The following AXDND1 variants were observed in gnomAD, a reference collection of about 807,000 sequenced individuals.
AXDND1 encodes the protein axonemal dynein light chain domain-containing protein 1.
Under a neutral mutation model 137.5 loss-of-function variants are expected in AXDND1, and 110 were observed. The ratio of observed to expected loss-of-function variants is 0.80; its 90% CI spans 0.69 to 0.94. AXDND1 has a LOEUF of 0.94. Ranked by LOEUF, AXDND1 falls within the 40% of genes least tolerant of loss-of-function variation. The pLI, the probability that AXDND1 is intolerant of heterozygous loss-of-function variation, is 0.00. For missense variants in AXDND1, 1,191 were observed against 1,169.8 expected (o/e 1.02, Z -0.26); for synonymous variants, 414 against 399.7 (o/e 1.04, Z -0.43).
chr1:179,509,348 A>G lies in AXDND1; in HGVS notation c.2441A>G (p.Lys814Arg), dbSNP rs1260800180. 4 of 1,612,912 alleles carry G rather than the reference A, an allele frequency of 2.5e-6. No individual in the cohort carries two copies. The highest frequency in any genetic ancestry group is 4.5e-5 in the East Asian group (2 of 44,856). Residue 814 changes from lysine (K) to arginine (R), a missense_variant, in exon 21 of 26, where the codon AAA becomes AGA. Lys to Arg is a conservative substitution (Grantham distance 26). Coordinates refer to ENST00000367618, the MANE Select transcript of AXDND1 (RefSeq NM_144696.6). ...TGCTCTTGCCTCCTTTCTAATATCA[A>G]AGGCAGAAAAATTACATTATTGACA... ...NTCSCLLSNI[K>R]GRKITLLTYE...
At position 179,554,702 on chromosome 1, in the gene AXDND1, A is replaced by G. The variant is rs1673812982; in HGVS notation, c.*183A>G. The G allele has an allele frequency of 4.9e-6, 4 of 821,666 alleles. No individual in the cohort carries two copies. In the Admixed American group the frequency reaches 8.5e-5, roughly 17 times the overall value. The allele number at this position is 821,666 out of a possible 1,614,324, so 50.9% of individuals were successfully genotyped here. A position where few individuals can be genotyped will look rare whatever the true frequency, so the allele number is the denominator to read the frequency against. On this transcript the variant is annotated 3_prime_UTR_variant, in exon 26 of 26. Transcript: ENST00000367618. ...CCTTGCAAAGAGTTGTTTAACTTGC[A>G]TGGTGCCACCCAATAAATATCTGTG...
Position 179,554,730 on chromosome 1 carries a change from A to G in AXDND1, c.*211A>G, listed in dbSNP as rs148224383. On this transcript the variant is annotated 3_prime_UTR_variant, in exon 26 of 26. Coordinates refer to ENST00000367618, the MANE Select transcript of AXDND1 (RefSeq NM_144696.6). Reference sequence around the variant, plus strand: ...GTGCCACCCAATAAATATCTGTGCAATTGAAGATGGTGTGGTATGCTGAAT... The same window carrying G: ...GTGCCACCCAATAAATATCTGTGCAGTTGAAGATGGTGTGGTATGCTGAAT... 9.3e-5 allele frequency: 64 copies of G among 684,582 alleles called. No individual in the cohort carries two copies. The East Asian group carries it at 1.8e-3, about 19-fold the overall frequency. The allele number at this position is 684,582 out of a possible 1,614,324, so 42.4% of individuals were successfully genotyped here.
At chr1:179,455,622 A>C (rs1295641773) in intron 16 of AXDND1, 1 of 152,222 alleles carries the variant, frequency 6.6e-6, no homozygotes, top group Non-Finnish European at 1.5e-5. Context: ...AAATTAAAAA[A>C]AAAATTTTGG....
At chr1:179,461,470 G>A (rs1181839513) in intron 16 of AXDND1, among the ~76,000 whole-genome samples, 4 of 152,056 alleles carry the variant, frequency 2.6e-5, no homozygotes, top group Non-Finnish European at 5.9e-5. Flanking sequence ...AGTATAGTTC[G>A]AAGTCAGGTA....
In AXDND1 at chr1:179,445,024, G is replaced by C; in HGVS notation, c.1618G>C (p.Asp540His). ...TGGGGATGTTCTACTGTCAAAATAC[G>C]ATACTCTCAAGATTATTAAACATTT... ...FTGDVLLSKY[D>H]TLKIIKHLQE... Residue 540 changes from aspartate (D) to histidine (H), a missense_variant, in exon 16 of 26, where the codon GAT becomes CAT. Transcript: ENST00000367618. 6.2e-7 allele frequency: 1 copy of C among 1,612,856 alleles called. No individual in the cohort carries two copies. Among genetic ancestry groups the C allele is most frequent in the Non-Finnish European group, 8.5e-7 (1 of 1,179,130 alleles).
At chr1:179,467,691 G>A (rs1278636219) in intron 16 of AXDND1, among the ~76,000 whole-genome samples, 1 of 152,112 alleles carries the variant, frequency 6.6e-6, no homozygotes, top group Non-Finnish European at 1.5e-5. Flanking sequence ...TAAAATAAAA[G>A]AAGAAGTCAA....
At chr1:179,536,152 T>A (rs984870170) in intron 25 of AXDND1, among the ~76,000 whole-genome samples, 20 of 152,194 alleles carry the variant, frequency 1.3e-4, no homozygotes, top group Middle Eastern at 3.2e-3. Context: ...ATTGCAAAAA[T>A]TTTCTCCCAA....
chr1:179,456,876 T>C, intron 16 of AXDND1: 1 of 862,762 alleles, frequency 1.2e-6, no homozygotes, highest in Non-Finnish European at 2.0e-6. Context: ...GGAGTTATGA[T>C]TGTCAAAGGT....
At chr1:179,467,763 C>T (rs1380044231) in intron 16 of AXDND1, among the ~76,000 whole-genome samples, 1 of 152,076 alleles carries the variant, frequency 6.6e-6, no homozygotes, top group Admixed American at 6.6e-5. Context: ...TCAAAATTTA[C>T]TGATGAAGGA....
At chr1:179,368,692 A>G in intron 2 of AXDND1, 108 bp from the exon 3 acceptor site, 6 of 847,984 alleles carry the variant, frequency 7.1e-6, no homozygotes, top group Non-Finnish European at 1.1e-5. Context: ...AATAGAAGCA[A>G]TGTTTCTCTC....
At position 179,528,433 on chromosome 1, in the gene AXDND1, T is replaced by G. The variant is rs1670743587; in HGVS notation, c.2715+2T>G. ...GAAACAGATGTGTTGTCTTCCTGGG[T>G]ATGTATCTGAAACCCAGCTAGGGAA... On this transcript the variant is annotated splice_donor_variant, in intron 23 of 25. Transcript: ENST00000367618. LOFTEE classifies it high-confidence loss of function. 11 of 1,601,528 alleles carry G rather than the reference T, an allele frequency of 6.9e-6. No homozygotes were observed. Among genetic ancestry groups the G allele is most frequent in the Non-Finnish European group, 9.4e-6 (11 of 1,168,726 alleles).
chr1:179,418,429 T>C (rs1390775472), intron 12 of AXDND1, among the ~76,000 whole-genome samples: 1 of 152,252 alleles, frequency 6.6e-6, no homozygotes, highest in Non-Finnish European at 1.5e-5. Context: ...TTCTCAATCT[T>C]TTCCCCACCT....
At chr1:179,375,567 T>C (rs1191272511) in intron 4 of AXDND1, among the ~76,000 whole-genome samples, 1 of 150,624 alleles carries the variant, frequency 6.6e-6, no homozygotes, top group Non-Finnish European at 1.5e-5. Context: ...CACATATATG[T>C]ACATACATAT....
chr1:179,499,520 G>A (rs955516726), intron 20 of AXDND1, among the ~76,000 whole-genome samples: 2 of 152,154 alleles, frequency 1.3e-5, no homozygotes, highest in Non-Finnish European at 2.9e-5. Context: ...AACAGGTACA[G>A]GCTTTCTTGG....
chr1:179,511,168 C>A (rs1318568315), intron 21 of AXDND1, among the ~76,000 whole-genome samples: 1 of 149,314 alleles, frequency 6.7e-6, no homozygotes, highest in Non-Finnish European at 1.5e-5. Context: ...CTCTGTCCCC[C>A]ACAAAAAAAA....
intron 20 of AXDND1, among the ~76,000 whole-genome samples, chr1:179,498,302 A>G (rs568439213): frequency 2.6e-5 from 4 of 151,796 alleles, no homozygotes; most frequent in Non-Finnish European, 5.9e-5. Flanking sequence ...ACAAAAACAG[A>G]CATGTAGACT....
Position 179,468,598 on chromosome 1 carries a change from C to G in AXDND1, c.1954C>G (p.Leu652Val). ...ATCACACTTGGATATATTGTTAAAC[C>G]TTACTGGTATTGTTCCACAGCACAT... is the stretch of plus-strand genomic sequence containing the variant. ...MKSHLDILLNLTGIVPQHIDV... is the reference protein window; with the variant it reads ...MKSHLDILLNVTGIVPQHIDV... Residue 652 changes from leucine to valine, a missense_variant, in exon 17 of 26, where the codon CTT becomes GTT. By Grantham distance (32) the Leu-to-Val change is conservative. Coordinates refer to ENST00000367618, the MANE Select transcript of AXDND1 (RefSeq NM_144696.6). 6.2e-7 allele frequency: 1 copy of G among 1,612,330 alleles called. No homozygotes were observed. Among genetic ancestry groups the G allele is most frequent in the Non-Finnish European group, 8.5e-7 (1 of 1,179,646 alleles).
rs140407352 is a variant in AXDND1 at position 179,390,468 on chromosome 1, G to A, written c.864-3435G>A. Among the ~76,000 whole-genome samples the A allele has an allele frequency of 1.2e-3, 179 of 152,120 alleles. 1 individual carries two copies. In the South Asian group the frequency reaches 0.014, roughly 12 times the overall value. ...TTTTGTTTGTGTTTAAATAGTTGTC[G>A]TTTTACATGTTGTCAATTTGAAAAA... On this transcript the variant is annotated intron_variant, in intron 9 of 25. Coordinates refer to ENST00000367618, the MANE Select transcript of AXDND1 (RefSeq NM_144696.6).
At chr1:179,432,609 A>G (rs1014862839) in intron 15 of AXDND1, among the ~76,000 whole-genome samples, 2 of 152,200 alleles carry the variant, frequency 1.3e-5, no homozygotes, top group African/African-American at 4.8e-5. Flanking sequence ...TATTTGTAGT[A>G]GATACAAGGT....
Sources: gnomAD v4.1 joint callset for allele counts (sites outside exome capture counted in the v4.1 genomes callset) on GRCh38, gnomAD v4.1.1 for gene constraint, MANE v1.5 for transcripts, NCBI Gene and HGNC (gene_info 2026-07-23, HGNC 2026-07-21) for gene names.